The following KCNT2 variants were observed in gnomAD, a reference collection of about 807,000 sequenced individuals.
The protein encoded by KCNT2 is potassium sodium-activated channel subfamily T member 2.
In KCNT2, 67 loss-of-function variants were observed where a neutral mutation model predicts 153.8. That is an observed-to-expected ratio of 0.44 (90% CI 0.36 to 0.53). The LOEUF (loss-of-function observed/expected upper bound fraction) is 0.53, where lower values mean the gene tolerates loss of function less well. Among genes scored for constraint, KCNT2 ranks in the 20% least tolerant of loss-of-function variants. The pLI, the probability that KCNT2 is intolerant of heterozygous loss-of-function variation, is 0.00. For missense variants in KCNT2, 975 were observed against 1,354.8 expected (o/e 0.72, Z 4.40); for synonymous variants, 500 against 458.8 (o/e 1.09, Z -1.15).
intron 1 of KCNT2, among the ~76,000 whole-genome samples, chr1:196,518,233 C>A (rs1464171040): frequency 2.0e-5 from 3 of 152,080 alleles, no homozygotes; most frequent in Non-Finnish European, 2.9e-5. Flanking sequence ...TTGTTACCAT[C>A]AAGCCCACCT....
At chr1:196,319,849 G>A (rs569437235) in intron 19 of KCNT2, among the ~76,000 whole-genome samples, 1 of 151,596 alleles carries the variant, frequency 6.6e-6, no homozygotes, top group African/African-American at 2.4e-5. Context: ...TTATGACCAA[G>A]AAATCTTATA....
chr1:196,359,598 C>A (rs1245167523), intron 14 of KCNT2, among the ~76,000 whole-genome samples: 1 of 151,768 alleles, frequency 6.6e-6, no homozygotes, highest in East Asian at 1.9e-4. Flanking sequence ...AAGATATGTT[C>A]TCTATATTGA....
At chr1:196,554,939 C>A (rs1357040399) in intron 1 of KCNT2, among the ~76,000 whole-genome samples, 1 of 151,160 alleles carries the variant, frequency 6.6e-6, no homozygotes, top group Non-Finnish European at 1.5e-5. Context: ...GTTCAACATA[C>A]CTTCATGATA....
chr1:196,302,904 C>T (rs561626403), intron 22 of KCNT2, among the ~76,000 whole-genome samples: 7 of 151,962 alleles, frequency 4.6e-5, no homozygotes, highest in Non-Finnish European at 7.4e-5. Flanking sequence ...ATTTTAATCC[C>T]ACTTCCTCCA....
At position 196,608,244 on chromosome 1, in the gene KCNT2, T is replaced by C. The variant is rs1665541193; in HGVS notation, c.66A>G (p.Leu22=). ...PPRYRFRDLL[L]GDQGWQNDDR... is the part of the protein sequence containing the mutation. ...CGTCGTTTTGCCATCCTTGGTCCCC[T>C]AGCAGCAAATCTCGAAACCTGTACC... Residue 22 remains leucine, a synonymous_variant, in exon 1 of 28, where the codon CTA becomes CTG. Coordinates refer to ENST00000294725, the MANE Select transcript of KCNT2 (RefSeq NM_198503.5). 1 of 1,613,936 alleles carries C rather than the reference T, an allele frequency of 6.2e-7. No homozygotes were observed. The highest frequency in any genetic ancestry group is 8.5e-7 in the Non-Finnish European group (1 of 1,179,998).
intron 1 of KCNT2, among the ~76,000 whole-genome samples, chr1:196,540,239 A>G (rs886465785): frequency 6.6e-6 from 1 of 152,200 alleles, no homozygotes; most frequent in African/African-American, 2.4e-5. Flanking sequence ...AACCACTGTC[A>G]AAAATAATCT....
At position 196,282,294 on chromosome 1, in the gene KCNT2, TG is replaced by T; in HGVS notation, c.2759del (p.Pro920GlnfsTer9). Reference protein sequence around the residue: ...TRLLLGLDTTPGSGFLCSMKI... With the variant: ...TRLLLGLDTTXGSGFLCSMKI... The stretch of plus-strand genomic sequence containing the variant: ...TTACAGAACAAAGAAACCCAGATCC[TG>T]GTGTAGTGTCCAGTCCCAACAGAAG... On this transcript the variant is annotated frameshift_variant, in exon 24 of 28. Coordinates refer to ENST00000294725, the MANE Select transcript of KCNT2 (RefSeq NM_198503.5). LOFTEE classifies it high-confidence loss of function. 6.3e-7 allele frequency: 1 copy of T among 1,597,030 alleles called. No individual in the cohort carries two copies. Among genetic ancestry groups the T allele is most frequent in the Non-Finnish European group, 8.6e-7 (1 of 1,165,218 alleles).
chr1:196,416,303 G>A (rs1164760216), intron 12 of KCNT2, among the ~76,000 whole-genome samples: 2 of 152,044 alleles, frequency 1.3e-5, no homozygotes, highest in African/African-American at 2.4e-5. Context: ...GAAGTGAAAA[G>A]ATGAAAGTTC....
intron 1 of KCNT2, among the ~76,000 whole-genome samples, chr1:196,596,056 GTATATATATATATATATA>G (rs1174131733): frequency 2.5e-3 from 11 of 4,358 alleles, no homozygotes; most frequent in African/African-American, 2.9e-3. Flanking sequence ...TCCATGATGT[GTATATATATATATATATA>G]TATATATATA....
chr1:196,249,604 C>A (rs1310858284), intron 26 of KCNT2, among the ~76,000 whole-genome samples: 1 of 152,006 alleles, frequency 6.6e-6, no homozygotes, highest in Admixed American at 6.6e-5. Context: ...GAAACCCTGT[C>A]TCTACTAAAA....
At chr1:196,241,623 ACT>A (rs1196693097) in intron 26 of KCNT2, among the ~76,000 whole-genome samples, 2 of 151,814 alleles carry the variant, frequency 1.3e-5, no homozygotes, top group Non-Finnish European at 2.9e-5. Context: ...AAACATTTGA[ACT>A]CTCTTAATTT....
intron 17 of KCNT2, 41 bp from the exon 18 acceptor site, chr1:196,331,302 C>T (rs748749568): frequency 2.0e-6 from 2 of 1,003,408 alleles, no homozygotes; most frequent in East Asian, 2.4e-5. Flanking sequence ...ATAAGGCATG[C>T]AAATTTGAGA....
At chr1:196,244,101 A>G (rs1655207098) in intron 26 of KCNT2, among the ~76,000 whole-genome samples, 1 of 152,118 alleles carries the variant, frequency 6.6e-6, no homozygotes, top group South Asian at 2.1e-4. Context: ...CCAGAAGGGA[A>G]CCTGCTTCTT....
chr1:196,344,224 G>A (rs901850673), intron 14 of KCNT2, among the ~76,000 whole-genome samples: 2 of 152,146 alleles, frequency 1.3e-5, no homozygotes, highest in Non-Finnish European at 2.9e-5. Flanking sequence ...GAGAAAACAC[G>A]CAGTAAATGT....
At chr1:196,431,021 A>C (rs1249116221) in intron 8 of KCNT2, among the ~76,000 whole-genome samples, 1 of 152,100 alleles carries the variant, frequency 6.6e-6, no homozygotes, top group Non-Finnish European at 1.5e-5. Flanking sequence ...CAATCTTATA[A>C]AAGTGTTGGA....
Position 196,227,075 on chromosome 1 carries a change from G to A in KCNT2, c.*1149C>T, listed in dbSNP as rs374892258. 1 of 151,884 alleles carries A rather than the reference G, an allele frequency of 6.6e-6. No individual in the cohort carries two copies. The highest frequency in any genetic ancestry group is 1.5e-5 in the Non-Finnish European group (1 of 67,840). 9.4% of individuals were successfully genotyped at this position (151,884 alleles called of 1,614,324 possible). On this transcript the variant is annotated 3_prime_UTR_variant, in exon 28 of 28. Transcript: ENST00000294725. ...TTATAACTCAAATTCTGCATGATTT[G>A]CATTAATGTTAAAAGCCAAGAACTA...
At chr1:196,517,895 T>C (rs996970074) in intron 1 of KCNT2, among the ~76,000 whole-genome samples, 2 of 152,006 alleles carry the variant, frequency 1.3e-5, no homozygotes, top group Non-Finnish European at 2.9e-5. Flanking sequence ...AGGCTAACAG[T>C]CAAATTCAGG....
intron 14 of KCNT2, among the ~76,000 whole-genome samples, chr1:196,364,551 T>C (rs1667885886): frequency 6.6e-6 from 1 of 152,114 alleles, no homozygotes; most frequent in African/African-American, 2.4e-5. Flanking sequence ...TGAAATAGTT[T>C]TTTGAGGAAT....
rs567766372 is a variant in KCNT2, at chr1:196,388,403, T to C, written c.1294+10160A>G. Among the ~76,000 whole-genome samples, 3 of 151,826 alleles carry C rather than the reference T, an allele frequency of 2.0e-5. No individual in the cohort carries two copies. In the East Asian group the frequency reaches 5.8e-4, roughly 29 times the overall value. On this transcript the variant is annotated intron_variant, in intron 13 of 27. Coordinates refer to ENST00000294725, the MANE Select transcript of KCNT2 (RefSeq NM_198503.5). ...TGACTATTATCTTTACATTTTTATA[T>C]TATTTAAAATAAGATTATTAATATT...
Sources: allele counts gnomAD v4.1 joint callset (sites outside exome capture counted in the v4.1 genomes callset), GRCh38; gene constraint gnomAD v4.1.1; transcripts MANE v1.5; gene names NCBI Gene and HGNC (gene_info 2026-07-23, HGNC 2026-07-21).